CACNA1E: variants seen among roughly 807,000 people sequenced by gnomAD.
The protein encoded by CACNA1E is voltage-dependent R-type calcium channel subunit alpha-1E.
Under a neutral mutation model 259.2 loss-of-function variants are expected in CACNA1E, and 40 were observed. That is an observed-to-expected ratio of 0.15 (90% CI 0.12 to 0.20). The LOEUF (loss-of-function observed/expected upper bound fraction) is 0.20, where lower values mean the gene tolerates loss of function less well. Among genes scored for constraint, CACNA1E ranks in the 10% least tolerant of loss-of-function variants. The pLI is 1.00. For missense variants in CACNA1E, 1,874 were observed against 3,040.1 expected, an observed-to-expected ratio of 0.62 and a Z score of 9.02; for synonymous variants, 1,104 against 1,138.5, an observed-to-expected ratio of 0.97 and a Z score of 0.61.
intron 6 of CACNA1E, among the ~76,000 whole-genome samples, chr1:181,630,201 T>C (rs536690339): frequency 1.3e-5 from 2 of 152,280 alleles, no homozygotes; most frequent in African/African-American, 4.8e-5. Context: ...TAATTTAATG[T>C]ACAAAGACAA....
chr1:181,379,409 A>G (rs1655313508), intron 1 of CACNA1E, among the ~76,000 whole-genome samples: 2 of 152,252 alleles, frequency 1.3e-5, no homozygotes, highest in South Asian at 4.1e-4. Flanking sequence ...ACCAAGGCAC[A>G]TTATAATCAA....
At chr1:181,458,427 C>A (rs1202559839) in intron 2 of CACNA1E, among the ~76,000 whole-genome samples, 1 of 152,184 alleles carries the variant, frequency 6.6e-6, no homozygotes, top group Non-Finnish European at 1.5e-5. Context: ...AAAAGCCTGG[C>A]AAGGCATAGA....
intron 21 of CACNA1E, 56 bp downstream of exon 21, chr1:181,733,806 G>T: frequency 7.4e-7 from 1 of 1,343,168 alleles, no homozygotes. Context: ...ATCTGGGGCT[G>T]GGGCCATGAC....
chr1:181,721,342 A>C (rs994026567), intron 15 of CACNA1E, among the ~76,000 whole-genome samples: 1 of 152,178 alleles, frequency 6.6e-6, no homozygotes, highest in Non-Finnish European at 1.5e-5. Context: ...CTGAGGTTGG[A>C]CCACAACCCG....
chr1:181,806,929 T>A lies in CACNA1E; in HGVS notation c.*8095T>A, dbSNP rs1054749082. On this transcript the variant is annotated 3_prime_UTR_variant, in exon 48 of 48. Transcript: ENST00000367573. ...CTTAGTTGGGGTCTGCTCAGACCAG[T>A]CAGGAGGAATTCAGGAGGCTTTCAA... 2.8e-4 allele frequency: 42 copies of A among 152,150 alleles called. No individual in the cohort carries two copies. The highest frequency in any genetic ancestry group is 8.9e-4 in the African/African-American group (37 of 41,502). 9.4% of individuals were successfully genotyped at this position (152,150 alleles called of 1,614,324 possible). A position where few individuals can be genotyped will look rare whatever the true frequency, so the allele number is the denominator to read the frequency against.
chr1:181,587,967 G>C lies in CACNA1E; in HGVS notation c.951+7191G>C, dbSNP rs1652254324. On this transcript the variant is annotated intron_variant, in intron 6 of 47. Coordinates refer to ENST00000367573, the MANE Select transcript of CACNA1E (RefSeq NM_001205293.3). ...GTCTGTGGAGTAAGTTGAGAAACCTGTCTCACTGCATAGAAGTAGGGAGTG... is the reference window on the plus strand; with the variant it reads ...GTCTGTGGAGTAAGTTGAGAAACCTCTCTCACTGCATAGAAGTAGGGAGTG... Among the ~76,000 whole-genome samples the C allele has an allele frequency of 2.0e-5, 3 of 152,254 alleles. No individual in the cohort carries two copies. The South Asian group carries it at 6.2e-4, about 31-fold the overall frequency.
chr1:181,584,279 A>C (rs1391276863), intron 6 of CACNA1E, among the ~76,000 whole-genome samples: 1 of 152,132 alleles, frequency 6.6e-6, no homozygotes, highest in Non-Finnish European at 1.5e-5. Context: ...CTTACTGTTG[A>C]TAAACTCATG....
chr1:181,804,140 A>G lies in CACNA1E; in HGVS notation c.*5306A>G, dbSNP rs758060210. 6.6e-6 allele frequency: 1 copy of G among 152,004 alleles called. No homozygotes were observed. The highest frequency in any genetic ancestry group is 1.5e-5 in the Non-Finnish European group (1 of 68,010). The allele number at this position is 152,004 out of a possible 1,614,324, so 9.4% of individuals were successfully genotyped here. On this transcript the variant is annotated 3_prime_UTR_variant, in exon 48 of 48. Transcript: ENST00000367573. Reference sequence around the variant, plus strand: ...AGACCAAGTCAAAAGAGGTGTGGGGATTTATGTTTATTTTTATTTGTTTGG... The same window carrying G: ...AGACCAAGTCAAAAGAGGTGTGGGGGTTTATGTTTATTTTTATTTGTTTGG...
At chr1:181,701,279 T>G (rs941333972) in intron 7 of CACNA1E, among the ~76,000 whole-genome samples, 1 of 152,232 alleles carries the variant, frequency 6.6e-6, no homozygotes, top group Non-Finnish European at 1.5e-5. Flanking sequence ...AGCTGGTTGC[T>G]GTGCCTTCTC....
intron 3 of CACNA1E, among the ~76,000 whole-genome samples, chr1:181,543,571 A>C (rs1668758145): frequency 1.3e-5 from 2 of 152,310 alleles, no homozygotes; most frequent in African/African-American, 4.8e-5. Context: ...ATGTGAGAAC[A>C]CAGTAAGAAG....
intron 39 of CACNA1E, among the ~76,000 whole-genome samples, chr1:181,783,140 G>A (rs1233490906): frequency 6.6e-6 from 1 of 152,118 alleles, no homozygotes; most frequent in Non-Finnish European, 1.5e-5. Context: ...TCAATCATGT[G>A]CGGGCAAATT....
Position 181,579,193 on chromosome 1 carries a change from G to A in CACNA1E, c.738G>A (p.Lys246=). The change falls in exon 5 of 48, where the codon AAG becomes AAA. Residue 246 remains lysine, a synonymous_variant. Coordinates refer to ENST00000367573, the MANE Select transcript of CACNA1E (RefSeq NM_001205293.3). ...TTGGTTTGGAGTTCTACAGTGGCAA[G>A]TTACATCGAGCATGCTTCATGAACA... ...AIIGLEFYSG[K]LHRACFMNNS... 1 of 1,613,706 alleles carries A rather than the reference G, an allele frequency of 6.2e-7. No individual in the cohort carries two copies. The highest frequency in any genetic ancestry group is 1.1e-5 in the South Asian group (1 of 91,022).
intron 7 of CACNA1E, among the ~76,000 whole-genome samples, chr1:181,670,630 T>C (rs1333367557): frequency 2.0e-5 from 3 of 152,148 alleles, no homozygotes; most frequent in Non-Finnish European, 4.4e-5. Flanking sequence ...CTCAACTTGA[T>C]AGCTAATCTT....
chr1:181,648,406 T>C (rs1179598043), intron 6 of CACNA1E, among the ~76,000 whole-genome samples: 2 of 152,352 alleles, frequency 1.3e-5, no homozygotes, highest in East Asian at 3.9e-4. Flanking sequence ...TTCCAGATTC[T>C]GACCCACTGT....
intron 32 of CACNA1E, among the ~76,000 whole-genome samples, chr1:181,760,978 T>G (rs568057037): frequency 1.8e-4 from 27 of 152,284 alleles, no homozygotes; most frequent in African/African-American, 6.0e-4. Flanking sequence ...TCACCCCAGG[T>G]TGGACAATAG....
intron 38 of CACNA1E, 105 bp from the exon 39 acceptor site, chr1:181,781,322 C>A: frequency 1.5e-6 from 1 of 672,240 alleles, no homozygotes. Context: ...GCCTATTCTC[C>A]TCTCCTATCT....
intron 24 of CACNA1E, 105 bp downstream of exon 24, chr1:181,738,531 C>A: frequency 1.1e-6 from 1 of 881,866 alleles, no homozygotes. Context: ...CAGCCAATGG[C>A]AGCCCTCAGT....
At chr1:181,748,356 A>G (rs1174686653) in intron 25 of CACNA1E, among the ~76,000 whole-genome samples, 1 of 152,246 alleles carries the variant, frequency 6.6e-6, no homozygotes, top group Non-Finnish European at 1.5e-5. Flanking sequence ...GAATTATACC[A>G]TGATGCTTTA....
chr1:181,523,006 T>C (rs977967078), intron 3 of CACNA1E, among the ~76,000 whole-genome samples: 1 of 152,224 alleles, frequency 6.6e-6, no homozygotes, highest in Admixed American at 6.5e-5. Context: ...AATACAAGAC[T>C]TGGGGAGTTT....
Sources: allele counts gnomAD v4.1 joint callset (sites outside exome capture counted in the v4.1 genomes callset), GRCh38; gene constraint gnomAD v4.1.1; transcripts MANE v1.5; gene names NCBI Gene and HGNC (gene_info 2026-07-23, HGNC 2026-07-21).